The following NCKAP5 variants were observed in gnomAD, a reference collection of about 807,000 sequenced individuals.
The protein encoded by NCKAP5 is NCK associated protein 5, also known as nck-associated protein 5.
NCKAP5 carries 92 observed loss-of-function variants against 167.0 expected under a neutral mutation model. That is an observed-to-expected ratio of 0.55 (90% CI 0.47 to 0.66). NCKAP5 has a LOEUF of 0.66. Ranked by LOEUF, NCKAP5 falls within the 30% of genes least tolerant of loss-of-function variation. The pLI is 0.00. For synonymous variants in NCKAP5, 891 were observed against 877.4 expected, an observed-to-expected ratio of 1.02 and a Z score of -0.27; for missense variants, 2,378 against 2,315.0, an observed-to-expected ratio of 1.03 and a Z score of -0.56.
chr2:133,541,480 C>T lies in NCKAP5; in HGVS notation c.-62+17570G>A, dbSNP rs137972747. Among the ~76,000 whole-genome samples the T allele has an allele frequency of 2.1e-3, 319 of 152,132 alleles. 1 individual carries two copies. Among genetic ancestry groups the T allele is most frequent in the African/African-American group, 7.1e-3 (293 of 41,510 alleles). On this transcript the variant is annotated intron_variant, in intron 2 of 19. Coordinates refer to ENST00000409261, the MANE Select transcript of NCKAP5 (RefSeq NM_207363.3). Reference sequence around the variant, plus strand: ...TATGCAATATATGGTAATTACATCACGATCCTTCAAACTCATTATATGCTC... The same window carrying T: ...TATGCAATATATGGTAATTACATCATGATCCTTCAAACTCATTATATGCTC...
chr2:132,900,047 C>T (rs1268150821), intron 8 of NCKAP5, among the ~76,000 whole-genome samples: 1 of 152,140 alleles, frequency 6.6e-6, no homozygotes, highest in Non-Finnish European at 1.5e-5. Context: ...AAGGAGACAG[C>T]AGAAAGGCCA....
intron 3 of NCKAP5, among the ~76,000 whole-genome samples, chr2:133,516,667 T>C (rs1293596523): frequency 1.3e-5 from 2 of 152,220 alleles, no homozygotes; most frequent in African/African-American, 4.8e-5. Context: ...CCCACTCTGC[T>C]AGACTCCAGG....
chr2:132,733,416 G>C (rs368952930), intron 16 of NCKAP5, among the ~76,000 whole-genome samples: 40 of 152,326 alleles, frequency 2.6e-4, no homozygotes, highest in African/African-American at 9.6e-4. Flanking sequence ...ACAGAGGCTT[G>C]TGGTGTGATC....
At chr2:133,084,141 C>A (rs1034082264) in intron 6 of NCKAP5, among the ~76,000 whole-genome samples, 1 of 152,048 alleles carries the variant, frequency 6.6e-6, no homozygotes, top group Admixed American at 6.6e-5. Flanking sequence ...GGAGAACTCA[C>A]ACATTATCCA....
chr2:133,479,998 C>G (rs1680282731), intron 3 of NCKAP5, among the ~76,000 whole-genome samples: 1 of 147,758 alleles, frequency 6.8e-6, no homozygotes, highest in Non-Finnish European at 1.5e-5. Flanking sequence ...GTGGCATGAT[C>G]TCTGCTCACT....
chr2:133,313,171 C>T (rs1338096080), intron 3 of NCKAP5, among the ~76,000 whole-genome samples: 18 of 152,198 alleles, frequency 1.2e-4, no homozygotes, highest in Non-Finnish European at 1.5e-5. Flanking sequence ...ACCCCCTCCA[C>T]CGCAGCCCTC....
chr2:133,609,649 G>T, the NCKAP5 span, among the ~76,000 whole-genome samples: 5 of 152,052 alleles, frequency 3.3e-5, no homozygotes, highest in Admixed American at 3.3e-4. Flanking sequence ...AGACAACCAG[G>T]CTTCTAGCTT....
rs901417255 is a variant in NCKAP5, at chr2:132,837,327, AT to A, written c.807+23164del. Among the ~76,000 whole-genome samples, 37 of 151,140 alleles carry A rather than the reference AT, an allele frequency of 2.4e-4. 1 individual carries two copies. Among genetic ancestry groups the A allele is most frequent in the Non-Finnish European group, 4.7e-4 (32 of 67,800 alleles). On this transcript the variant is annotated intron_variant, in intron 11 of 19. Coordinates refer to ENST00000409261, the MANE Select transcript of NCKAP5 (RefSeq NM_207363.3). ...CTTATTTCGCAATTATCTTCCCTCT[AT>A]TTTTTTCCTATTGTTTCTTTCTGGT...
intron 3 of NCKAP5, among the ~76,000 whole-genome samples, chr2:133,501,970 T>C (rs184780160): frequency 5.9e-5 from 9 of 152,338 alleles, no homozygotes; most frequent in Non-Finnish European, 1.2e-4. Context: ...GAAGTGGTAG[T>C]AACATGAAAT....
At chr2:132,958,551 C>A (rs2076409817) in intron 8 of NCKAP5, among the ~76,000 whole-genome samples, 1 of 152,096 alleles carries the variant, frequency 6.6e-6, no homozygotes, top group African/African-American at 2.4e-5. Context: ...TTATTGTGAC[C>A]ATGGCCTATA....
intron 3 of NCKAP5, among the ~76,000 whole-genome samples, chr2:133,509,972 AT>A (rs1380964997): frequency 1.3e-5 from 2 of 152,138 alleles, no homozygotes; most frequent in East Asian, 3.9e-4. Flanking sequence ...CTTTTCAGAG[AT>A]GAAAGGAAGG....
At chr2:133,020,356 C>A (rs1179422626) in intron 6 of NCKAP5, among the ~76,000 whole-genome samples, 2 of 152,140 alleles carry the variant, frequency 1.3e-5, no homozygotes, top group African/African-American at 4.8e-5. Flanking sequence ...CAGCTGCAGG[C>A]AAGGCACCAC....
chr2:133,111,305 C>T (rs149661985), intron 6 of NCKAP5, among the ~76,000 whole-genome samples: 142 of 152,300 alleles, frequency 9.3e-4, no homozygotes, highest in African/African-American at 3.3e-3. Context: ...ATATACCCAT[C>T]TCAAAAAGGA....
the NCKAP5 span, among the ~76,000 whole-genome samples, chr2:133,614,651 A>C: frequency 6.6e-6 from 1 of 152,250 alleles, no homozygotes; most frequent in Admixed American, 6.5e-5. Context: ...GGACTATGTG[A>C]AAAGACCAAA....
At chr2:132,755,454 G>C (rs918349114) in intron 16 of NCKAP5, among the ~76,000 whole-genome samples, 1 of 152,118 alleles carries the variant, frequency 6.6e-6, no homozygotes, top group Admixed American at 6.5e-5. Context: ...TACGGGCAAG[G>C]CACAATGCTT....
chr2:132,712,707 G>A (rs865848980), intron 19 of NCKAP5, among the ~76,000 whole-genome samples: 1 of 152,158 alleles, frequency 6.6e-6, no homozygotes, highest in Admixed American at 6.6e-5. Flanking sequence ...AGCAGTCACA[G>A]TCCATTCATT....
intron 3 of NCKAP5, among the ~76,000 whole-genome samples, chr2:133,478,005 T>C (rs1015488381): frequency 1.3e-5 from 2 of 152,224 alleles, no homozygotes; most frequent in African/African-American, 4.8e-5. Flanking sequence ...GGGACTGCTG[T>C]GCTGAGATTT....
At chr2:133,213,617 A>G (rs951852218) in intron 5 of NCKAP5, 99 bp downstream of exon 5, 2 of 1,156,490 alleles carry the variant, frequency 1.7e-6, no homozygotes, top group Non-Finnish European at 2.5e-6. Flanking sequence ...GTTTGCTGCA[A>G]GCAAATATTT....
intron 6 of NCKAP5, among the ~76,000 whole-genome samples, chr2:133,070,781 A>G (rs1477332021): frequency 6.6e-6 from 1 of 152,182 alleles, no homozygotes; most frequent in African/African-American, 2.4e-5. Context: ...CCTCCTATAT[A>G]GAGGCAGAAG....
Sources: gnomAD v4.1 joint callset for allele counts (sites outside exome capture counted in the v4.1 genomes callset) on GRCh38, gnomAD v4.1.1 for gene constraint, MANE v1.5 for transcripts, NCBI Gene and HGNC (gene_info 2026-07-23, HGNC 2026-07-21) for gene names.